The following GRK3 variants were observed in gnomAD, a reference collection of about 807,000 sequenced individuals.
GRK3 encodes G protein-coupled receptor kinase 3.
GRK3 carries 54 observed loss-of-function variants against 95.7 expected under a neutral mutation model. The ratio of observed to expected loss-of-function variants is 0.56; its 90% confidence interval spans 0.45 to 0.71. The LOEUF is 0.71. Among genes scored for constraint, GRK3 ranks in the 30% least tolerant of loss-of-function variants. The pLI is 0.00. For missense variants in GRK3, 649 were observed against 851.2 expected (o/e 0.76, Z 2.96); for synonymous variants, 281 against 290.8 (o/e 0.97, Z 0.34).
In GRK3 at chr22:25,690,278, G is replaced by A. The variant is rs752321528; in HGVS notation, c.1047G>A (p.Ala349=). 28 of 1,611,728 alleles carry A rather than the reference G, an allele frequency of 1.7e-5. No homozygotes were observed. Among genetic ancestry groups the A allele is most frequent in the South Asian group, 1.2e-4 (11 of 91,000 alleles). Reference sequence around the variant, plus strand: ...ATTTTTCCAAAAAGAAGCCTCATGCGAGTGTGTAAGTAGTGCGTCAACTTC... The same window carrying A: ...ATTTTTCCAAAAAGAAGCCTCATGCAAGTGTGTAAGTAGTGCGTCAACTTC... ...ACDFSKKKPH[A]SVGTHGYMAP... The change falls in exon 12 of 21, where the codon GCG becomes GCA. Residue 349 remains alanine (A), a synonymous_variant. Coordinates refer to ENST00000324198, the MANE Select transcript of GRK3 (RefSeq NM_005160.4).
chr22:25,699,891 G>T (rs1235658597), intron 13 of GRK3, among the ~76,000 whole-genome samples: 5 of 151,952 alleles, frequency 3.3e-5, no homozygotes, highest in African/African-American at 1.2e-4. Flanking sequence ...GTAGAGACGG[G>T]GCATCACTGT....
chr22:25,579,313 A>G (rs995781396), intron 1 of GRK3, among the ~76,000 whole-genome samples: 5 of 143,950 alleles, frequency 3.5e-5, no homozygotes, highest in African/African-American at 1.3e-4. Context: ...TGCCTGGCTA[A>G]TTTTTTTTTT....
At chr22:25,682,793 G>A (rs890844086) in intron 9 of GRK3, among the ~76,000 whole-genome samples, 14 of 152,230 alleles carry the variant, frequency 9.2e-5, no homozygotes, top group African/African-American at 3.4e-4. Context: ...GAGACGGAAA[G>A]TTACCAGTAT....
intron 9 of GRK3, among the ~76,000 whole-genome samples, chr22:25,683,505 T>G (rs1304351932): frequency 6.6e-6 from 1 of 152,254 alleles, no homozygotes; most frequent in African/African-American, 2.4e-5. Flanking sequence ...TGGCCATATA[T>G]GAAAGTTCTA....
intron 1 of GRK3, among the ~76,000 whole-genome samples, chr22:25,577,064 C>T (rs911125907): frequency 6.6e-6 from 1 of 152,152 alleles, no homozygotes; most frequent in Non-Finnish European, 1.5e-5. Context: ...CCCCAAACAT[C>T]TTTTTGTGAT....
At chr22:25,648,958 A>T in intron 3 of GRK3, 1 of 941,456 alleles carries the variant, frequency 1.1e-6, no homozygotes, top group South Asian at 1.3e-5. Context: ...TTTACAATAA[A>T]GTCTGGTGTC....
In GRK3 at chr22:25,729,164, G is replaced by T. The variant is rs755453358; in HGVS notation, c.*6714G>T. The T allele has an allele frequency of 1.3e-5, 2 of 152,180 alleles. No individual in the cohort carries two copies. The highest frequency in any genetic ancestry group is 6.5e-5 in the Admixed American group (1 of 15,280). The allele number at this position is 152,180 out of a possible 1,614,324, so 9.4% of individuals were successfully genotyped here. ...CGGGAGATGCTGCTCCACGTCTGAG[G>T]TCACCTGCCCTGTGTGGGGCACACC... is the stretch of plus-strand genomic sequence containing the variant. On this transcript the variant is annotated 3_prime_UTR_variant, in exon 21 of 21. Transcript: ENST00000324198.
intron 1 of GRK3, among the ~76,000 whole-genome samples, chr22:25,574,099 G>C (rs16980494): frequency 0.024 from 3,651 of 152,188 alleles, 48 homozygotes; most frequent in East Asian, 0.037. Flanking sequence ...TCGGTCCATT[G>C]ATCTTTATTA....
intron 20 of GRK3, 95 bp downstream of exon 20, chr22:25,721,492 T>TTATC (rs2085431932): frequency 1.4e-6 from 1 of 737,080 alleles, no homozygotes; most frequent in Non-Finnish European, 2.3e-6. Flanking sequence ...ATGCCATGTT[T>TTATC]TATCACTTAC....
chr22:25,721,465 C>A, intron 20 of GRK3, 68 bp downstream of exon 20: 1 of 882,168 alleles, frequency 1.1e-6, no homozygotes, highest in Non-Finnish European at 1.8e-6. Flanking sequence ...GACTGCCTGT[C>A]TATAAAACAT....
intron 1 of GRK3, among the ~76,000 whole-genome samples, chr22:25,580,882 T>C (rs1470807063): frequency 6.6e-6 from 1 of 152,160 alleles, no homozygotes; most frequent in East Asian, 1.9e-4. Context: ...TCCAGCACTT[T>C]GGGTGGCCGA....
chr22:25,571,847 TACTC>T (rs1045091363), intron 1 of GRK3, among the ~76,000 whole-genome samples: 9 of 152,060 alleles, frequency 5.9e-5, no homozygotes, highest in South Asian at 4.2e-4. Flanking sequence ...CATGATACCT[TACTC>T]ACACTTTTTT....
intron 1 of GRK3, among the ~76,000 whole-genome samples, chr22:25,591,535 C>G (rs1488920245): frequency 6.6e-6 from 1 of 152,100 alleles, no homozygotes; most frequent in East Asian, 1.9e-4. Flanking sequence ...ATTGAACTAT[C>G]TAGAAGCCCA....
At chr22:25,635,109 A>T (rs1371306939) in intron 2 of GRK3, among the ~76,000 whole-genome samples, 1 of 152,164 alleles carries the variant, frequency 6.6e-6, no homozygotes, top group Non-Finnish European at 1.5e-5. Context: ...TCCTTAAAAC[A>T]TTGAGATGTA....
intron 8 of GRK3, among the ~76,000 whole-genome samples, chr22:25,676,801 C>T (rs1276342688): frequency 1.3e-5 from 2 of 152,072 alleles, no homozygotes; most frequent in Non-Finnish European, 2.9e-5. Flanking sequence ...TTCTATAGAT[C>T]AAGTGTAGAT....
In GRK3 at chr22:25,656,195, G is replaced by C. The variant is rs575881098; in HGVS notation, c.265-5381G>C. Among the ~76,000 whole-genome samples the C allele has an allele frequency of 5.9e-5, 9 of 152,248 alleles. No individual in the cohort carries two copies. The South Asian group carries it at 1.2e-3, about 21-fold the overall frequency. On this transcript the variant is annotated intron_variant, in intron 3 of 20. Transcript: ENST00000324198. ...CTTATTCCAGTTAGATTTTGAGGCA[G>C]CTTATAGAAATATGTACATTATGCC...
In GRK3 at chr22:25,718,400, C is replaced by T; in HGVS notation, c.1791+19C>T. On this transcript the variant is annotated intron_variant, in intron 19 of 20. Transcript: ENST00000324198. ...GTCCCGGGTAAGTCTAAGGCAGCCTCACCGAGCATGTTTCCCAGTACGTAC... is the reference window on the plus strand; with the variant it reads ...GTCCCGGGTAAGTCTAAGGCAGCCTTACCGAGCATGTTTCCCAGTACGTAC... The T allele has an allele frequency of 6.2e-7, 1 of 1,613,174 alleles. No individual in the cohort carries two copies. The highest frequency in any genetic ancestry group is 8.5e-7 in the Non-Finnish European group (1 of 1,179,432).
At chr22:25,649,659 A>T (rs1463092240) in intron 3 of GRK3, among the ~76,000 whole-genome samples, 1 of 152,226 alleles carries the variant, frequency 6.6e-6, no homozygotes, top group African/African-American at 2.4e-5. Context: ...CATGGGACCA[A>T]ATAATTCCAT....
At chr22:25,633,540 G>C (rs918457092) in intron 2 of GRK3, among the ~76,000 whole-genome samples, 1 of 151,706 alleles carries the variant, frequency 6.6e-6, no homozygotes, top group South Asian at 2.1e-4. Context: ...AGATTTATTC[G>C]TAAGTGTTGG....
Sources: allele counts gnomAD v4.1 joint callset (sites outside exome capture counted in the v4.1 genomes callset), GRCh38; gene constraint gnomAD v4.1.1; transcripts MANE v1.5; gene names NCBI Gene and HGNC (gene_info 2026-07-23, HGNC 2026-07-21).